Variants in DLK2 observed in about 807,000 individuals in gnomAD.
DLK2 encodes delta like non-canonical Notch ligand 2.
In DLK2, 9 loss-of-function variants were observed where a neutral mutation model predicts 31.3. The observed-to-expected ratio is 0.29, with a 90% CI of 0.17 to 0.50. The LOEUF is 0.50. DLK2 is among the 20% of genes least tolerant of loss of function. The probability of loss-of-function intolerance (pLI) is 0.98; values close to 1 mark genes in which losing one functional copy is unlikely to be tolerated. For missense variants in DLK2, 387 were observed against 526.1 expected, an observed-to-expected ratio of 0.74 and a Z score of 2.59; for synonymous variants, 169 against 201.2, an observed-to-expected ratio of 0.84 and a Z score of 1.35.
chr6:43,454,711 TGGA>T (rs2127424515), intron 2 of DLK2, 36 bp downstream of exon 2: 1 of 1,538,116 alleles, frequency 6.5e-7, no homozygotes, highest in Non-Finnish European at 8.7e-7. Context: ...CGAGGACGGC[TGGA>T]CAGGGCCGCG....
At chr6:43,452,540 A>G (rs1381494735) in intron 4 of DLK2, among the ~76,000 whole-genome samples, 1 of 152,256 alleles carries the variant, frequency 6.6e-6, no homozygotes, top group Non-Finnish European at 1.5e-5. Context: ...ACATGGTGAA[A>G]CCCTATCTCT....
chr6:43,455,011 TG>T lies in DLK2; in HGVS notation c.-55-132del, dbSNP rs1418573570. On this transcript the variant is annotated intron_variant, in intron 1 of 5. Transcript: ENST00000372488. ...GAAGGGGATGGGGGTAGCGGGAGGA[TG>T]GGGGCAGGGAAGGGTTGAGCAGGCG... 14 of 811,688 alleles carry T rather than the reference TG, an allele frequency of 1.7e-5. No homozygotes were observed. The East Asian group carries it at 6.2e-4, about 36-fold the overall frequency. The allele number at this position is 811,688 out of a possible 1,614,324, so 50.3% of individuals were successfully genotyped here.
chr6:43,451,942 T>C lies in DLK2; in HGVS notation c.414A>G (p.Ala138=), dbSNP rs1783774396. Residue 138 remains alanine (A), a splice_region_variant and synonymous_variant, in exon 5 of 6, where the codon GCA becomes GCG. Transcript: ENST00000372488. This position sits in a 1 kb window ranked among gnomAD's most constrained non-coding sequence, Gnocchi z 4.4. ...CERKAGPCEQ[A]GSPCRNGGQC... ...CACCCTGAGGGCCCAGCACTCACCC[T>C]GCCTGTTCACAGGGTCCAGCCTTGC... 1 of 1,613,978 alleles carries C rather than the reference T, an allele frequency of 6.2e-7. No individual in the cohort carries two copies. The highest frequency in any genetic ancestry group is 8.5e-7 in the Non-Finnish European group (1 of 1,180,024).
Position 43,451,786 on chromosome 6 carries a change from C to T in DLK2, c.416+154G>A, listed in dbSNP as rs1174386025. 1.0e-6 allele frequency: 1 copy of T among 969,864 alleles called. No individual in the cohort carries two copies. The highest frequency in any genetic ancestry group is 1.2e-6 in the Non-Finnish European group (1 of 816,220). 60.1% of individuals were successfully genotyped at this position (969,864 alleles called of 1,614,324 possible). On this transcript the variant is annotated intron_variant, in intron 5 of 5. Transcript: ENST00000372488. This position sits in a 1 kb window ranked among gnomAD's most constrained non-coding sequence, Gnocchi z 4.4. The stretch of plus-strand genomic sequence containing the variant: ...AAAAAAAAAGTTGAGAAACCCTGAA[C>T]TAGGAACACTTTGGCATGCAGGGGT...
intron 1 of DLK2, 106 bp downstream of exon 1, chr6:43,455,288 CG>C (rs1328647510): frequency 0.086 from 9,861 of 114,262 alleles, 586 homozygotes; most frequent in Middle Eastern, 0.12. Flanking sequence ...CCCCCCCCCC[CG>C]CCACCACCAC....
At chr6:43,455,223 C>T (rs1389990976) in intron 1 of DLK2, 172 bp downstream of exon 1, 1 of 371,572 alleles carries the variant, frequency 2.7e-6, no homozygotes, top group Non-Finnish European at 3.7e-6. Flanking sequence ...ACGCGGGGGC[C>T]GGAGGGAAGG....
intron 3 of DLK2, 55 bp downstream of exon 3, chr6:43,454,350 CACGTGA>C (rs1783888775): frequency 6.6e-7 from 1 of 1,506,146 alleles, no homozygotes; most frequent in Non-Finnish European, 9.1e-7. Context: ...CACTGTTGTG[CACGTGA>C]AGGGCTTAGA....
chr6:43,451,401 A>C lies in DLK2; in HGVS notation c.417-127T>G. ...ACACACTCCGAGCCTCAAATACCTCATTTTAAAAATGAGAATAAAAATAGT... is the reference window on the plus strand; with the variant it reads ...ACACACTCCGAGCCTCAAATACCTCCTTTTAAAAATGAGAATAAAAATAGT... On this transcript the variant is annotated intron_variant, in intron 5 of 5. Coordinates refer to ENST00000372488, the MANE Select transcript of DLK2 (RefSeq NM_023932.4). This position sits in a 1 kb window ranked among gnomAD's most constrained non-coding sequence, Gnocchi z 4.4. 8 of 1,201,026 alleles carry C rather than the reference A, an allele frequency of 6.7e-6. No homozygotes were observed. Among genetic ancestry groups the C allele is most frequent in the Non-Finnish European group, 8.0e-6 (7 of 878,624 alleles). The allele number at this position is 1,201,026 out of a possible 1,614,324, so 74.4% of individuals were successfully genotyped here.
Position 43,451,340 on chromosome 6 carries a change from G to A in DLK2, c.417-66C>T. The A allele has an allele frequency of 6.4e-7, 1 of 1,551,574 alleles. No homozygotes were observed. Among genetic ancestry groups the A allele is most frequent in the South Asian group, 1.2e-5 (1 of 81,078 alleles). On this transcript the variant is annotated intron_variant, in intron 5 of 5. Transcript: ENST00000372488. This position sits in a 1 kb window ranked among gnomAD's most constrained non-coding sequence, Gnocchi z 4.4. Reference sequence around the variant, plus strand: ...AACACCTGTAGGGCAGCCCAGGTCAGTATCCTGACCACTGCCCGCCATGTC... The same window carrying A: ...AACACCTGTAGGGCAGCCCAGGTCAATATCCTGACCACTGCCCGCCATGTC...
chr6:43,456,230 T>C (rs910187086), upstream of DLK2: 1 of 151,932 alleles, frequency 6.6e-6, no homozygotes, highest in African/African-American at 2.4e-5. Context: ...ACTCTGTAAA[T>C]GTGCACACAA....
In DLK2 at chr6:43,450,919, T is replaced by G; in HGVS notation, c.772A>C (p.Thr258Pro). Reference sequence around the variant, plus strand: ...GGCCCTAGAGGGGTGTCCACTGTGGTTGGGGGGTCTGGGACAGGTAAGACA... The same window carrying G: ...GGCCCTAGAGGGGTGTCCACTGTGGGTGGGGGGTCTGGGACAGGTAAGACA... ...ELVLPVPDPP[T>P]TVDTPLGPTS... is the part of the protein sequence containing the mutation. The change falls in exon 6 of 6, where the codon ACC becomes CCC. Residue 258 changes from threonine (T) to proline (P), a missense_variant. Thr to Pro is a conservative substitution (Grantham distance 38). Transcript: ENST00000372488. The surrounding 1 kb of genome is among the most constrained non-coding windows in gnomAD (Gnocchi z 4.5). 1.2e-6 allele frequency: 2 copies of G among 1,614,022 alleles called. No homozygotes were observed. The highest frequency in any genetic ancestry group is 8.5e-7 in the Non-Finnish European group (1 of 1,179,966).
At chr6:43,454,180 T>A (rs766788621) in intron 3 of DLK2, among the ~76,000 whole-genome samples, 37 of 152,174 alleles carry the variant, frequency 2.4e-4, no homozygotes, top group South Asian at 4.1e-4. Context: ...TCTCTCCCTG[T>A]CAGGAGTTCA....
chr6:43,453,851 CA>C lies in DLK2; in HGVS notation c.140+559del, dbSNP rs1783871756. ...CAGGACTATCCTCCCACCATGATTC[CA>C]GGGCAAACACTTGACCCATATTTTA... On this transcript the variant is annotated intron_variant, in intron 3 of 5. Transcript: ENST00000372488. The surrounding 1 kb of genome is among the most constrained non-coding windows in gnomAD (Gnocchi z 4.1). 6.6e-6 allele frequency among the ~76,000 whole-genome samples: 1 copy of C among 150,710 alleles called. No homozygotes were observed. Among genetic ancestry groups the C allele is most frequent in the Admixed American group, 6.7e-5 (1 of 14,972 alleles).
At chr6:43,455,684 C>T (rs1783960818), upstream of DLK2, 1 of 149,342 alleles carries the variant, frequency 6.7e-6, no homozygotes, top group Admixed American at 6.6e-5. Context: ...CCCGGCGCGC[C>T]CCGGGGCCCC....
upstream of DLK2, chr6:43,456,552 TA>T (rs540281085): frequency 5.9e-5 from 9 of 152,198 alleles, no homozygotes; most frequent in East Asian, 1.5e-3. Context: ...CCGTCTCTAT[TA>T]AAAATACAGA....
At position 43,450,408 on chromosome 6, in the gene DLK2, AAAT is replaced by A; in HGVS notation, c.*128_*130del. 1.8e-6 allele frequency: 2 copies of A among 1,131,516 alleles called. No individual in the cohort carries two copies. Among genetic ancestry groups the A allele is most frequent in the Non-Finnish European group, 2.4e-6 (2 of 825,888 alleles). The allele number at this position is 1,131,516 out of a possible 1,614,324, so 70.1% of individuals were successfully genotyped here. On this transcript the variant is annotated 3_prime_UTR_variant, in exon 6 of 6. Transcript: ENST00000372488. This position sits in a 1 kb window ranked among gnomAD's most constrained non-coding sequence, Gnocchi z 4.5. The stretch of plus-strand genomic sequence containing the variant: ...CCATCTTACATTCTGTGTATTAAAA[AAAT>A]AATATTTCTGGTGTGAGGCTGAGGT...
intron 3 of DLK2, among the ~76,000 whole-genome samples, chr6:43,454,097 C>A: frequency 6.6e-6 from 1 of 152,232 alleles, no homozygotes; most frequent in East Asian, 1.9e-4. Flanking sequence ...TAAACCATTT[C>A]TCTTTCCCTT....
chr6:43,450,390 A>C lies in DLK2; in HGVS notation c.*149T>G. 1 of 1,066,438 alleles carries C rather than the reference A, an allele frequency of 9.4e-7. No homozygotes were observed. Among genetic ancestry groups the C allele is most frequent in the Non-Finnish European group, 1.3e-6 (1 of 770,402 alleles). 66.1% of individuals were successfully genotyped at this position (1,066,438 alleles called of 1,614,324 possible). ...GTTTTATTTGATAAAATTCCATCTTACATTCTGTGTATTAAAAAAATAATA... is the reference window on the plus strand; with the variant it reads ...GTTTTATTTGATAAAATTCCATCTTCCATTCTGTGTATTAAAAAAATAATA... On this transcript the variant is annotated 3_prime_UTR_variant, in exon 6 of 6. Transcript: ENST00000372488. The surrounding 1 kb of genome is among the most constrained non-coding windows in gnomAD (Gnocchi z 4.5).
chr6:43,451,628 G>T lies in DLK2; in HGVS notation c.416+312C>A, dbSNP rs529159888. On this transcript the variant is annotated intron_variant, in intron 5 of 5. Transcript: ENST00000372488. This position sits in a 1 kb window ranked among gnomAD's most constrained non-coding sequence, Gnocchi z 4.4. Reference sequence around the variant, plus strand: ...CTGTGACACAGAAGGGTGCAAGCCAGCGTTCAGGAGAGGATGAGGAGAGAC... The same window carrying T: ...CTGTGACACAGAAGGGTGCAAGCCATCGTTCAGGAGAGGATGAGGAGAGAC... 2.0e-5 allele frequency among the ~76,000 whole-genome samples: 3 copies of T among 152,206 alleles called. No individual in the cohort carries two copies. Among genetic ancestry groups the T allele is most frequent in the South Asian group, 4.1e-4 (2 of 4,822 alleles).
Sources: gnomAD v4.1 joint callset for allele counts (sites outside exome capture counted in the v4.1 genomes callset) on GRCh38, gnomAD v4.1.1 for gene constraint, Gnocchi (gnomAD v3.1) non-coding constraint, MANE v1.5 for transcripts, NCBI Gene and HGNC (gene_info 2026-07-23, HGNC 2026-07-21) for gene names.